The following SHISA9 variants were observed in gnomAD, a reference collection of about 807,000 sequenced individuals.
SHISA9 encodes the protein protein shisa-9.
A neutral mutation model predicts 38.0 loss-of-function variants in SHISA9; 13 were observed. The ratio of observed to expected loss-of-function variants is 0.34; its 90% confidence interval spans 0.22 to 0.54. The LOEUF is 0.54. SHISA9 is among the 20% of genes least tolerant of loss of function. The pLI, the probability that SHISA9 is intolerant of heterozygous loss-of-function variation, is 0.91. For synonymous variants in SHISA9, 275 were observed against 242.0 expected, an observed-to-expected ratio of 1.14 and a Z score of -1.27; for missense variants, 538 against 575.8, an observed-to-expected ratio of 0.93 and a Z score of 0.67.
At chr16:13,494,394 G>A in the SHISA9 span, among the ~76,000 whole-genome samples, 1 of 152,058 alleles carries the variant, frequency 6.6e-6, no homozygotes, top group Non-Finnish European at 1.5e-5. Flanking sequence ...CACCCAATGT[G>A]TTGATAGACA....
intron 2 of SHISA9, among the ~76,000 whole-genome samples, chr16:13,124,359 C>T (rs560100777): frequency 6.6e-5 from 10 of 152,134 alleles, no homozygotes; most frequent in Non-Finnish European, 1.5e-4. Flanking sequence ...TGCCATCTTA[C>T]CAAACATATT....
At chr16:13,169,648 G>C (rs1178686377) in intron 2 of SHISA9, among the ~76,000 whole-genome samples, 2 of 152,192 alleles carry the variant, frequency 1.3e-5, no homozygotes, top group East Asian at 1.9e-4. Context: ...CATTTTATCA[G>C]TTTCCTGGCT....
chr16:13,462,031 A>T, the SHISA9 span, among the ~76,000 whole-genome samples: 1 of 152,102 alleles, frequency 6.6e-6, no homozygotes, highest in Non-Finnish European at 1.5e-5. Flanking sequence ...GCACTTTGGG[A>T]GGCTGAGGCA....
chr16:13,497,194 A>G, the SHISA9 span, among the ~76,000 whole-genome samples: 10 of 152,152 alleles, frequency 6.6e-5, no homozygotes, highest in Non-Finnish European at 8.8e-5. Context: ...TATGGGGTAC[A>G]GTGTGATACT....
chr16:13,276,270 TTCCATC>T, the SHISA9 span, among the ~76,000 whole-genome samples: 6 of 151,808 alleles, frequency 4.0e-5, no homozygotes, highest in Admixed American at 2.0e-4. Flanking sequence ...CTGCATAGTA[TTCCATC>T]ATATATATAT....
the SHISA9 span, among the ~76,000 whole-genome samples, chr16:13,461,623 A>ATTTTTTTTTTTTTTTTTTTTATT: frequency 9.4e-6 from 1 of 106,866 alleles, no homozygotes; most frequent in East Asian, 3.0e-4. Context: ...TTTTTTTTTA[A>ATTTTTTTTTTTTTTTTTTTTATT]TTTTTTTTTT....
chr16:13,505,263 G>A, the SHISA9 span, among the ~76,000 whole-genome samples: 1 of 152,218 alleles, frequency 6.6e-6, no homozygotes, highest in African/African-American at 2.4e-5. Context: ...GCATAAGAAA[G>A]TCCAAGCAGT....
the SHISA9 span, among the ~76,000 whole-genome samples, chr16:13,424,744 A>G: frequency 4.9e-4 from 74 of 152,358 alleles, no homozygotes; most frequent in Non-Finnish European, 7.1e-4. Flanking sequence ...TATGTAAACA[A>G]ATCGGCATGG....
chr16:13,115,992 G>A (rs1055263233), intron 2 of SHISA9, among the ~76,000 whole-genome samples: 2 of 152,054 alleles, frequency 1.3e-5, no homozygotes, highest in Non-Finnish European at 2.9e-5. Context: ...CTGCATGAAC[G>A]ACTCTGGGAT....
the SHISA9 span, among the ~76,000 whole-genome samples, chr16:13,517,929 C>T: frequency 6.6e-6 from 1 of 152,310 alleles, no homozygotes; most frequent in East Asian, 1.9e-4. Context: ...CATGTTTCCA[C>T]CCAGGCAGGC....
chr16:13,288,151 A>T, the SHISA9 span, among the ~76,000 whole-genome samples: 1 of 152,206 alleles, frequency 6.6e-6, no homozygotes, highest in Non-Finnish European at 1.5e-5. Context: ...TTAAAAAAAG[A>T]AAAACAACCT....
intron 2 of SHISA9, among the ~76,000 whole-genome samples, chr16:13,187,115 C>T (rs9927509): frequency 0.021 from 3,256 of 152,120 alleles, 46 homozygotes; most frequent in Non-Finnish European, 0.03. Flanking sequence ...CTGACTTCCC[C>T]GTTTCCCCCA....
the SHISA9 span, among the ~76,000 whole-genome samples, chr16:13,274,324 A>G: frequency 6.6e-6 from 1 of 152,262 alleles, no homozygotes; most frequent in South Asian, 2.1e-4. Context: ...TCCAGTTGCT[A>G]TATACAAGAT....
chr16:13,195,770 T>C (rs968046302), intron 2 of SHISA9, among the ~76,000 whole-genome samples: 3 of 151,990 alleles, frequency 2.0e-5, no homozygotes, highest in African/African-American at 7.3e-5. Flanking sequence ...ATAACCCCAA[T>C]CTAATCATGA....
the SHISA9 span, among the ~76,000 whole-genome samples, chr16:13,539,222 C>G: frequency 1.1e-4 from 16 of 150,064 alleles, no homozygotes; most frequent in African/African-American, 3.7e-4. Context: ...CTTGACCTCC[C>G]AAGCTCAAGA....
chr16:13,021,390 G>T (rs1387622624), intron 2 of SHISA9, among the ~76,000 whole-genome samples: 1 of 152,186 alleles, frequency 6.6e-6, no homozygotes, highest in East Asian at 1.9e-4. Context: ...TCCTGCTCTA[G>T]AAGTTCTCCT....
chr16:13,009,890 T>C (rs2072648707), intron 2 of SHISA9, among the ~76,000 whole-genome samples: 1 of 152,076 alleles, frequency 6.6e-6, no homozygotes, highest in Non-Finnish European at 1.5e-5. Flanking sequence ...TATAGAAACA[T>C]AGAAGGCCAG....
chr16:13,076,062 GC>G, intron 2 of SHISA9, among the ~76,000 whole-genome samples: 1 of 142,672 alleles, frequency 7.0e-6, no homozygotes, highest in East Asian at 2.0e-4. Context: ...ATGCAGTCTC[GC>G]TCTGTCACCT....
chr16:13,074,320 A>G (rs1197074152), intron 2 of SHISA9, among the ~76,000 whole-genome samples: 2 of 152,040 alleles, frequency 1.3e-5, no homozygotes, highest in African/African-American at 4.8e-5. Context: ...TATGGTTGCC[A>G]CAGAAAACCA....
Sources: allele counts gnomAD v4.1 joint callset (sites outside exome capture counted in the v4.1 genomes callset), GRCh38; gene constraint gnomAD v4.1.1; transcripts MANE v1.5; gene names NCBI Gene and HGNC (gene_info 2026-07-23, HGNC 2026-07-21).